The following P2RX1 variants were observed in gnomAD, a reference collection of about 807,000 sequenced individuals.
P2RX1 encodes the protein purinergic receptor P2X 1.
In P2RX1, 42 loss-of-function variants were observed where a neutral mutation model predicts 50.3. That is an observed-to-expected ratio of 0.83 (90% CI 0.65 to 1.08). The LOEUF (loss-of-function observed/expected upper bound fraction) is 1.08, where lower values mean the gene tolerates loss of function less well. Among genes scored for constraint, P2RX1 ranks in the 50% least tolerant of loss-of-function variants. The pLI is 0.00. For missense variants in P2RX1, 449 were observed against 529.0 expected (o/e 0.85, Z 1.48); for synonymous variants, 199 against 202.6 (o/e 0.98, Z 0.15).
intron 1 of P2RX1, 22 bp from the exon 2 acceptor site, chr17:3,905,389 G>A (rs779955400): frequency 1.9e-5 from 30 of 1,612,652 alleles, no homozygotes; most frequent in Admixed American, 8.3e-5. Context: ...GGGACAGAGG[G>A]GGAGTTGTGG....
intron 3 of P2RX1, 90 bp from the exon 4 acceptor site, chr17:3,904,489 G>T (rs2056220886): frequency 8.8e-7 from 1 of 1,132,978 alleles, no homozygotes. Context: ...CCTAGGGAGA[G>T]CGTGGGGCAG....
In P2RX1 at chr17:3,916,457, C is replaced by A; in HGVS notation, c.-232G>T. The stretch of plus-strand genomic sequence containing the variant: ...AGAGCAGCTCTTGGCCCCTGGAAGG[C>A]AACAGACTGCAGGCCAGCCTCGCCC... On this transcript the variant is annotated 5_prime_UTR_variant, in exon 1 of 12. Transcript: ENST00000225538. 1 of 528,204 alleles carries A rather than the reference C, an allele frequency of 1.9e-6. No homozygotes were observed. The highest frequency in any genetic ancestry group is 3.4e-6 in the Non-Finnish European group (1 of 297,170). 32.7% of individuals were successfully genotyped at this position (528,204 alleles called of 1,614,324 possible). A position where few individuals can be genotyped will look rare whatever the true frequency, so the allele number is the denominator to read the frequency against.
intron 1 of P2RX1, among the ~76,000 whole-genome samples, chr17:3,905,723 T>C (rs2056249997): frequency 6.6e-6 from 1 of 151,848 alleles, no homozygotes; most frequent in Non-Finnish European, 1.5e-5. Flanking sequence ...GGTGGGTGCC[T>C]GTAATCCCAG....
At chr17:3,902,609 G>GT (rs879851214) in intron 7 of P2RX1, among the ~76,000 whole-genome samples, 4,557 of 141,020 alleles carry the variant, frequency 0.032, 90 homozygotes, top group Non-Finnish European at 0.047. Flanking sequence ...TTTTGTTTTT[G>GT]TTTTTTTTTT....
At chr17:3,899,934 C>G (rs1042415430) in intron 7 of P2RX1, among the ~76,000 whole-genome samples, 173 bp from the exon 8 acceptor site, 6 of 152,004 alleles carry the variant, frequency 3.9e-5, no homozygotes, top group African/African-American at 1.5e-4. Context: ...AAACCCGTCT[C>G]TACTAAAAAT....
chr17:3,915,279 C>T (rs2056429518), intron 1 of P2RX1: 2 of 364,852 alleles, frequency 5.5e-6, no homozygotes, highest in South Asian at 4.1e-5. Context: ...ACAGGGCAGA[C>T]ATGGGCACAG....
Position 3,903,890 on chromosome 17 carries a change from G to T in P2RX1, c.524+38C>A. On this transcript the variant is annotated intron_variant, in intron 5 of 11. Coordinates refer to ENST00000225538, the MANE Select transcript of P2RX1 (RefSeq NM_002558.4). This position sits in a 1 kb window ranked among gnomAD's most constrained non-coding sequence, Gnocchi z 4.6. Reference sequence around the variant, plus strand: ...CTAGGCCCCCCTCTGTCTGGCCTGGGACCCTGTTCTTAGCTCTCTGGAAGG... The same window carrying T: ...CTAGGCCCCCCTCTGTCTGGCCTGGTACCCTGTTCTTAGCTCTCTGGAAGG... The T allele has an allele frequency of 6.5e-7, 1 of 1,532,600 alleles. No individual in the cohort carries two copies. Among genetic ancestry groups the T allele is most frequent in the African/African-American group, 1.4e-5 (1 of 73,412 alleles). The allele number at this position is 1,532,600 out of a possible 1,614,324, so 94.9% of individuals were successfully genotyped here. A position where few individuals can be genotyped will look rare whatever the true frequency, so the allele number is the denominator to read the frequency against.
chr17:3,912,476 G>A lies in P2RX1; in HGVS notation c.137+3613C>T, dbSNP rs146949428. ...CTCCCGAGTAGCTGGGATTACAGGC[G>A]TGCGCCACCACACCCAGCTAATTTT... On this transcript the variant is annotated intron_variant, in intron 1 of 11. Transcript: ENST00000225538. 2.5e-4 allele frequency among the ~76,000 whole-genome samples: 38 copies of A among 152,088 alleles called. No individual in the cohort carries two copies. The East Asian group carries it at 6.6e-3, about 26-fold the overall frequency.
In P2RX1 at chr17:3,896,934, G is replaced by A. The variant is rs902066006; in HGVS notation, c.*880C>T. On this transcript the variant is annotated 3_prime_UTR_variant, in exon 12 of 12. Coordinates refer to ENST00000225538, the MANE Select transcript of P2RX1 (RefSeq NM_002558.4). ...AGGATGCTGTGTGCACGTAGGTGGT[G>A]TGTACACTGGGTTGTGTGCATGAGA... 1 of 152,448 alleles carries A rather than the reference G, an allele frequency of 6.6e-6. No individual in the cohort carries two copies. Among genetic ancestry groups the A allele is most frequent in the African/African-American group, 2.4e-5 (1 of 41,456 alleles). 9.4% of individuals were successfully genotyped at this position (152,448 alleles called of 1,614,324 possible). A position where few individuals can be genotyped will look rare whatever the true frequency, so the allele number is the denominator to read the frequency against.
In P2RX1 at chr17:3,898,929, C is replaced by T; in HGVS notation, c.966+5G>A. ...GCTGCCACCACCCTCACACTGGACACTCACCTTGCCGTCCACCAGGATGTC... is the reference window on the plus strand; with the variant it reads ...GCTGCCACCACCCTCACACTGGACATTCACCTTGCCGTCCACCAGGATGTC... On this transcript the variant is annotated splice_donor_5th_base_variant and intron_variant, in intron 9 of 11. Coordinates refer to ENST00000225538, the MANE Select transcript of P2RX1 (RefSeq NM_002558.4). 6.2e-7 allele frequency: 1 copy of T among 1,610,940 alleles called. No homozygotes were observed. The highest frequency in any genetic ancestry group is 8.5e-7 in the Non-Finnish European group (1 of 1,177,208).
intron 7 of P2RX1, among the ~76,000 whole-genome samples, chr17:3,902,795 A>C (rs553572997): frequency 6.6e-5 from 10 of 150,422 alleles, no homozygotes; most frequent in African/African-American, 2.0e-4. Flanking sequence ...TTTAGTAGAG[A>C]AGGAGATTTC....
At chr17:3,913,595 C>T (rs1385156863) in intron 1 of P2RX1, among the ~76,000 whole-genome samples, 2 of 149,218 alleles carry the variant, frequency 1.3e-5, no homozygotes, top group South Asian at 2.2e-4. Context: ...TTCTCAGCCT[C>T]CCTGCTCAGC....
Position 3,903,679 on chromosome 17 carries a change from G to T in P2RX1, c.525-48C>A. 2 of 1,582,894 alleles carry T rather than the reference G, an allele frequency of 1.3e-6. No homozygotes were observed. Among genetic ancestry groups the T allele is most frequent in the South Asian group, 1.1e-5 (1 of 90,444 alleles). On this transcript the variant is annotated intron_variant, in intron 5 of 11. Coordinates refer to ENST00000225538, the MANE Select transcript of P2RX1 (RefSeq NM_002558.4). This position sits in a 1 kb window ranked among gnomAD's most constrained non-coding sequence, Gnocchi z 4.6. ...ACCGCCCCTCCCCAGGAGGCCCCCT[G>T]TGTGTCCCACACAGAGCTTGGCACA...
intron 7 of P2RX1, among the ~76,000 whole-genome samples, chr17:3,901,338 A>G (rs2056141757): frequency 6.6e-6 from 1 of 152,228 alleles, no homozygotes; most frequent in Non-Finnish European, 1.5e-5. Context: ...AAGTGCTGGG[A>G]TTACAGGCGT....
At position 3,905,112 on chromosome 17, in the gene P2RX1, C is replaced by T. The variant is rs2056237694; in HGVS notation, c.285+108G>A. 4.8e-6 allele frequency: 7 copies of T among 1,459,268 alleles called. No individual in the cohort carries two copies. In the South Asian group the frequency reaches 7.0e-5, roughly 15 times the overall value. 90.4% of individuals were successfully genotyped at this position (1,459,268 alleles called of 1,614,324 possible). On this transcript the variant is annotated intron_variant, in intron 2 of 11. Coordinates refer to ENST00000225538, the MANE Select transcript of P2RX1 (RefSeq NM_002558.4). The stretch of plus-strand genomic sequence containing the variant: ...GCTTCTGCCCGGCATTCACAGAGGT[C>T]CAGAGAGAAAGAGGAGCTGGGCTGG...
At chr17:3,904,469 C>A in intron 3 of P2RX1, 70 bp from the exon 4 acceptor site, 1 of 1,349,310 alleles carries the variant, frequency 7.4e-7, no homozygotes, top group South Asian at 1.2e-5. Flanking sequence ...CTCTCCCCAC[C>A]CCCCAGGGCC....
At position 3,897,871 on chromosome 17, in the gene P2RX1, AC is replaced by A; in HGVS notation, c.1142del (p.Arg381LeufsTer16). 6.2e-7 allele frequency: 1 copy of A among 1,613,872 alleles called. No individual in the cohort carries two copies. Among genetic ancestry groups the A allele is most frequent in the Non-Finnish European group, 8.5e-7 (1 of 1,180,004 alleles). Reference sequence around the variant, plus strand: ...GGGTGGAGCTGGTAGCTGCGAGGTCACGCTCAGCCTGTGTACGTGGTGCAAG... The same window carrying A: ...GGGTGGAGCTGGTAGCTGCGAGGTCAGCTCAGCCTGTGTACGTGGTGCAAG... ...AEDMGPGAAE[R>X]DLAATSSTLG... On this transcript the variant is annotated frameshift_variant, in exon 12 of 12. Coordinates refer to ENST00000225538, the MANE Select transcript of P2RX1 (RefSeq NM_002558.4). LOFTEE classifies it high-confidence loss of function.
chr17:3,901,712 G>A (rs2056149516), intron 7 of P2RX1, among the ~76,000 whole-genome samples: 1 of 152,202 alleles, frequency 6.6e-6, no homozygotes, highest in South Asian at 2.1e-4. Flanking sequence ...CAACTGCAAG[G>A]GCAGGACTAA....
intron 1 of P2RX1, among the ~76,000 whole-genome samples, chr17:3,909,191 C>T (rs150369160): frequency 2.2e-3 from 332 of 152,200 alleles, no homozygotes; most frequent in African/African-American, 7.3e-3. Flanking sequence ...CCACCACGCC[C>T]GGCTAATTTT....
Sources: allele counts gnomAD v4.1 joint callset (sites outside exome capture counted in the v4.1 genomes callset), GRCh38; gene constraint gnomAD v4.1.1; non-coding constraint Gnocchi (gnomAD v3.1); transcripts MANE v1.5; gene names NCBI Gene and HGNC (gene_info 2026-07-23, HGNC 2026-07-21).